GRIK4: variants seen among roughly 807,000 people sequenced by gnomAD.
GRIK4 encodes the protein glutamate ionotropic receptor kainate type subunit 4, also known as glutamate receptor ionotropic, kainate 4.
GRIK4 carries 40 observed loss-of-function variants against 104.9 expected under a neutral mutation model. The observed-to-expected ratio is 0.38, with a 90% CI of 0.30 to 0.50. The LOEUF is 0.50. Ranked by LOEUF, GRIK4 falls within the 20% of genes least tolerant of loss-of-function variation. The pLI is 0.93. For missense variants in GRIK4, 1,047 were observed against 1,308.1 expected (o/e 0.80, Z 3.08); for synonymous variants, 485 against 524.9 (o/e 0.92, Z 1.04).
chr11:120,885,653 G>C (rs1955099186), intron 11 of GRIK4, among the ~76,000 whole-genome samples: 1 of 152,152 alleles, frequency 6.6e-6, no homozygotes, highest in Non-Finnish European at 1.5e-5. Context: ...CCAAAGTGCT[G>C]GGATTACAGG....
chr11:120,710,133 T>G (rs1391540718), intron 3 of GRIK4, among the ~76,000 whole-genome samples: 3 of 152,176 alleles, frequency 2.0e-5, no homozygotes, highest in Non-Finnish European at 4.4e-5. Context: ...ACGTCAGATC[T>G]TAAGTCCTGG....
chr11:120,603,961 G>A (rs953725301), intron 1 of GRIK4, among the ~76,000 whole-genome samples: 1 of 151,912 alleles, frequency 6.6e-6, no homozygotes, highest in Non-Finnish European at 1.5e-5. Flanking sequence ...ACGAGGTCAG[G>A]AGATCGAGAC....
chr11:120,843,994 G>A (rs2135586923), intron 8 of GRIK4, among the ~76,000 whole-genome samples: 1 of 152,238 alleles, frequency 6.6e-6, no homozygotes, highest in South Asian at 2.1e-4. Context: ...TCTTGTTTTG[G>A]CAGAATGGAT....
At chr11:120,932,581 A>T (rs1319513612) in intron 13 of GRIK4, among the ~76,000 whole-genome samples, 2 of 152,152 alleles carry the variant, frequency 1.3e-5, no homozygotes, top group Admixed American at 6.5e-5. Flanking sequence ...GGAATTCCAT[A>T]AGCCTTTTCA....
At chr11:120,792,148 G>A (rs1345359470) in intron 3 of GRIK4, among the ~76,000 whole-genome samples, 3 of 152,158 alleles carry the variant, frequency 2.0e-5, no homozygotes, top group South Asian at 2.1e-4. Context: ...CTGAAGGAGG[G>A]GATGTCTGAG....
intron 1 of GRIK4, among the ~76,000 whole-genome samples, chr11:120,526,620 G>A (rs1266778504): frequency 6.6e-6 from 1 of 152,194 alleles, no homozygotes; most frequent in African/African-American, 2.4e-5. Context: ...ATCACTTGAG[G>A]TCAGGCGTTC....
intron 1 of GRIK4, among the ~76,000 whole-genome samples, chr11:120,519,176 T>C (rs1466622948): frequency 2.0e-5 from 3 of 152,194 alleles, no homozygotes; most frequent in African/African-American, 7.2e-5. Context: ...ACAATAATAA[T>C]AGCTAATAAG....
intron 1 of GRIK4, among the ~76,000 whole-genome samples, chr11:120,578,963 C>T (rs777139804): frequency 7.2e-5 from 11 of 152,122 alleles, no homozygotes; most frequent in South Asian, 2.1e-4. Flanking sequence ...GGGGTTGAGG[C>T]GGGAGTTCCT....
intron 4 of GRIK4, among the ~76,000 whole-genome samples, chr11:120,804,678 T>C (rs1952680295): frequency 6.6e-6 from 1 of 152,258 alleles, no homozygotes; most frequent in Non-Finnish European, 1.5e-5. Context: ...AAGATAGATG[T>C]GCTCCTGACC....
intron 13 of GRIK4, among the ~76,000 whole-genome samples, chr11:120,917,281 GAAAGAAAGAAAGAAA>G (rs1943130379): frequency 1.6e-5 from 2 of 127,346 alleles, no homozygotes; most frequent in African/African-American, 3.0e-5. Context: ...AAGAAAGAAA[GAAAGAAAGAAAGAAA>G]AAAGAAAGAA....
chr11:120,587,342 G>GA (rs533286834), intron 1 of GRIK4, among the ~76,000 whole-genome samples: 2 of 151,986 alleles, frequency 1.3e-5, no homozygotes, highest in Non-Finnish European at 2.9e-5. Context: ...CTTTGACATG[G>GA]AAAAAAATCT....
chr11:120,640,754 G>A (rs1949460066), intron 1 of GRIK4, among the ~76,000 whole-genome samples: 1 of 151,766 alleles, frequency 6.6e-6, no homozygotes, highest in African/African-American at 2.4e-5. Context: ...TGTCATTCAG[G>A]CTGGAGTGCT....
At chr11:120,872,763 T>C (rs1203535151) in intron 9 of GRIK4, 2 of 190,220 alleles carry the variant, frequency 1.1e-5, no homozygotes, top group Non-Finnish European at 1.1e-5. Flanking sequence ...TTTGTTTGTT[T>C]GTTTGTTTGT....
chr11:120,955,441 G>A (rs948281899), intron 15 of GRIK4, among the ~76,000 whole-genome samples: 1 of 152,240 alleles, frequency 6.6e-6, no homozygotes, highest in South Asian at 2.1e-4. Context: ...GCAGTGTGAA[G>A]ATAACACCGA....
At chr11:120,589,061 C>T (rs1482520403) in intron 1 of GRIK4, among the ~76,000 whole-genome samples, 1 of 152,176 alleles carries the variant, frequency 6.6e-6, no homozygotes, top group Non-Finnish European at 1.5e-5. Context: ...GGAAGTTTTG[C>T]TCAGGATGGA....
At chr11:120,807,145 C>T (rs1952727015) in intron 4 of GRIK4, among the ~76,000 whole-genome samples, 1 of 152,196 alleles carries the variant, frequency 6.6e-6, no homozygotes, top group Non-Finnish European at 1.5e-5. Context: ...GCTCCTGTCC[C>T]ACCTGGCCCT....
intron 3 of GRIK4, among the ~76,000 whole-genome samples, chr11:120,772,649 G>A (rs1471941365): frequency 6.6e-6 from 1 of 152,004 alleles, no homozygotes; most frequent in Non-Finnish European, 1.5e-5. Context: ...GTGCGCGCGT[G>A]TGTGTGTGTT....
chr11:120,681,503 C>T (rs11217972), intron 3 of GRIK4, among the ~76,000 whole-genome samples: 19,510 of 152,202 alleles, frequency 0.13, 1,368 homozygotes, highest in South Asian at 0.23. Context: ...CATTTTGCCC[C>T]GCTAAGTATT....
chr11:120,590,277 A>G (rs1369187874), intron 1 of GRIK4, among the ~76,000 whole-genome samples: 3 of 152,140 alleles, frequency 2.0e-5, no homozygotes, highest in Non-Finnish European at 4.4e-5. Context: ...ATCTGGCCCC[A>G]GGAGGCCTCC....
Sources: allele counts gnomAD v4.1 joint callset (sites outside exome capture counted in the v4.1 genomes callset), GRCh38; gene constraint gnomAD v4.1.1; transcripts MANE v1.5; gene names NCBI Gene and HGNC (gene_info 2026-07-23, HGNC 2026-07-21).